The following NME7 variants were observed in gnomAD, a reference collection of about 807,000 sequenced individuals.
NME7 encodes the protein nucleoside diphosphate kinase 7.
In NME7, 41 loss-of-function variants were observed where a neutral mutation model predicts 49.1. The ratio of observed to expected loss-of-function variants is 0.83; its 90% CI spans 0.65 to 1.08. NME7 has a LOEUF of 1.08. NME7 is among the 50% of genes least tolerant of loss of function. NME7 has a pLI of 0.00. For missense variants in NME7, 423 were observed against 463.4 expected (o/e 0.91, Z 0.80); for synonymous variants, 139 against 150.6 (o/e 0.92, Z 0.56).
intron 3 of NME7, among the ~76,000 whole-genome samples, chr1:169,319,381 C>A (rs906995074): frequency 1.3e-5 from 2 of 152,064 alleles, no homozygotes; most frequent in Admixed American, 6.6e-5. Context: ...TATTTCAGTA[C>A]CTTTTAAAAA....
intron 10 of NME7, among the ~76,000 whole-genome samples, chr1:169,181,382 C>A (rs76739137): frequency 8.3e-6 from 1 of 120,748 alleles, no homozygotes; most frequent in East Asian, 2.6e-3. Flanking sequence ...CACACACACA[C>A]ACACACACAC....
At chr1:169,311,909 G>C (rs1211255473) in intron 3 of NME7, among the ~76,000 whole-genome samples, 1 of 152,180 alleles carries the variant, frequency 6.6e-6, no homozygotes, top group Non-Finnish European at 1.5e-5. Flanking sequence ...TGTCTTTGCT[G>C]CTTAATTTTT....
chr1:169,154,262 C>T (rs976227447), intron 11 of NME7, among the ~76,000 whole-genome samples: 1 of 152,092 alleles, frequency 6.6e-6, no homozygotes, highest in Non-Finnish European at 1.5e-5. Context: ...ATTCTCTCAC[C>T]TCAGCCTCCG....
At chr1:169,302,258 A>T (rs1346411280) in intron 5 of NME7, 1 of 152,162 alleles carries the variant, frequency 6.6e-6, no homozygotes, top group African/African-American at 2.4e-5. Flanking sequence ...TTACTGCTAT[A>T]TATCCAAAAG....
chr1:169,341,820 G>C (rs1323768260), intron 1 of NME7, among the ~76,000 whole-genome samples: 1 of 152,130 alleles, frequency 6.6e-6, no homozygotes, highest in East Asian at 1.9e-4. Flanking sequence ...CTTGTATAGG[G>C]CCTGTGGCCT....
chr1:169,275,478 CAAAAAAAAA>C (rs57449323), intron 7 of NME7, among the ~76,000 whole-genome samples: 1,572 of 29,974 alleles, frequency 0.052, 157 homozygotes, highest in African/African-American at 0.14. Context: ...AACTCCGTCT[CAAAAAAAAA>C]AAAAAAAAAA....
intron 10 of NME7, among the ~76,000 whole-genome samples, chr1:169,228,463 G>A (rs1471873694): frequency 1.3e-5 from 2 of 151,672 alleles, no homozygotes; most frequent in Non-Finnish European, 2.9e-5. Context: ...GGATCATGAG[G>A]TCAGGAGATC....
At chr1:169,286,470 T>A (rs1358356080) in intron 7 of NME7, 1 of 151,950 alleles carries the variant, frequency 6.6e-6, no homozygotes, top group Non-Finnish European at 1.5e-5. Flanking sequence ...CTAACAAAAA[T>A]ATATATACCA....
intron 4 of NME7, 146 bp from the exon 5 acceptor site, chr1:169,303,341 C>G (rs1412185947): frequency 5.6e-6 from 2 of 360,008 alleles, no homozygotes; most frequent in African/African-American, 4.3e-5. Flanking sequence ...AATATTCTGT[C>G]AAAGCCACTC....
chr1:169,314,570 G>C (rs1376506193), intron 3 of NME7, among the ~76,000 whole-genome samples: 1 of 151,968 alleles, frequency 6.6e-6, no homozygotes, highest in Admixed American at 6.6e-5. Flanking sequence ...TAGTAGTTAC[G>C]TTACAAATAA....
At chr1:169,216,064 A>G (rs1660964203) in intron 10 of NME7, among the ~76,000 whole-genome samples, 1 of 152,240 alleles carries the variant, frequency 6.6e-6, no homozygotes, top group African/African-American at 2.4e-5. Flanking sequence ...AATTTGCTAA[A>G]AGAGTTGTGA....
At chr1:169,144,657 C>T (rs559442738) in intron 11 of NME7, among the ~76,000 whole-genome samples, 23 of 152,144 alleles carry the variant, frequency 1.5e-4, no homozygotes, top group Non-Finnish European at 2.6e-4. Flanking sequence ...CTTATTTAGC[C>T]GTAGTGCCTA....
chr1:169,309,473 C>CCTT (rs1651299982), intron 4 of NME7, among the ~76,000 whole-genome samples: 1 of 152,076 alleles, frequency 6.6e-6, no homozygotes, highest in Non-Finnish European at 1.5e-5. Context: ...ATGACAATGA[C>CCTT]CGGAAGAGGC....
chr1:169,332,868 G>C (rs1346730632), intron 1 of NME7, among the ~76,000 whole-genome samples: 1 of 152,178 alleles, frequency 6.6e-6, no homozygotes, highest in Non-Finnish European at 1.5e-5. Context: ...GTACACTGTT[G>C]TTAGGAATGT....
intron 4 of NME7, among the ~76,000 whole-genome samples, chr1:169,304,525 T>C (rs369993888): frequency 1.1e-4 from 17 of 152,272 alleles, no homozygotes; most frequent in Admixed American, 5.9e-4. Context: ...TTATGAAATA[T>C]GTAATGCCAA....
chr1:169,204,683 T>C (rs1660628839), intron 10 of NME7, among the ~76,000 whole-genome samples: 1 of 152,120 alleles, frequency 6.6e-6, no homozygotes, highest in Non-Finnish European at 1.5e-5. Context: ...CCTGTATCTC[T>C]CTTAAAGCAT....
intron 7 of NME7, among the ~76,000 whole-genome samples, chr1:169,256,956 G>A (rs1179646182): frequency 1.6e-5 from 2 of 123,708 alleles, no homozygotes; most frequent in African/African-American, 2.7e-5. Flanking sequence ...GAGAACCACT[G>A]CTCTCTTCAA....
In NME7 at chr1:169,257,531, C is replaced by T. The variant is rs555186863; in HGVS notation, c.755-19844G>A. On this transcript the variant is annotated intron_variant, in intron 7 of 11. Coordinates refer to ENST00000367811, the MANE Select transcript of NME7 (RefSeq NM_013330.5). Reference sequence around the variant, plus strand: ...TGCAGAAATCACCCGTCTTCTGCGTCGCTCACGCTGGGAGCTGTAGACCGG... The same window carrying T: ...TGCAGAAATCACCCGTCTTCTGCGTTGCTCACGCTGGGAGCTGTAGACCGG... Among the ~76,000 whole-genome samples the T allele has an allele frequency of 1.4e-4, 19 of 134,136 alleles. 3 individuals carry two copies. In the South Asian group the frequency reaches 2.5e-3, roughly 18 times the overall value. 88.0% of individuals were successfully genotyped at this position (134,136 alleles called of 152,430 possible). A position where few individuals can be genotyped will look rare whatever the true frequency, so the allele number is the denominator to read the frequency against.
intron 10 of NME7, among the ~76,000 whole-genome samples, chr1:169,213,875 T>C (rs1227183989): frequency 6.6e-6 from 1 of 151,892 alleles, no homozygotes; most frequent in East Asian, 1.9e-4. Context: ...ATACAGGGTG[T>C]AAGCTTGTTA....
Sources: gnomAD v4.1 joint callset for allele counts (sites outside exome capture counted in the v4.1 genomes callset) on GRCh38, gnomAD v4.1.1 for gene constraint, MANE v1.5 for transcripts, NCBI Gene and HGNC (gene_info 2026-07-23, HGNC 2026-07-21) for gene names.